AKAP13: variants seen among roughly 807,000 people sequenced by gnomAD.
AKAP13 encodes the protein A-kinase anchoring protein 13.
A neutral mutation model predicts 264.5 loss-of-function variants in AKAP13; 80 were observed. The observed-to-expected ratio is 0.30, with a 90% CI of 0.25 to 0.36. The LOEUF (loss-of-function observed/expected upper bound fraction) is 0.36. Among genes scored for constraint, AKAP13 ranks in the 10% least tolerant of loss-of-function variants. The pLI, the probability that AKAP13 is intolerant of heterozygous loss-of-function variation, is 1.00. For missense variants in AKAP13, 3,712 were observed against 3,435.2 expected, an observed-to-expected ratio of 1.08 and a Z score of -2.01; for synonymous variants, 1,380 against 1,250.2, an observed-to-expected ratio of 1.10 and a Z score of -2.19.
chr15:85,667,919 A>G (rs1002668790), intron 13 of AKAP13, among the ~76,000 whole-genome samples: 1 of 152,188 alleles, frequency 6.6e-6, no homozygotes, highest in African/African-American at 2.4e-5. Context: ...GTGTTTCTAA[A>G]ATGGACTGTC....
chr15:85,617,388 C>T (rs1177379728), intron 8 of AKAP13, among the ~76,000 whole-genome samples: 1 of 152,198 alleles, frequency 6.6e-6, no homozygotes, highest in African/African-American at 2.4e-5. Context: ...GGACTACAGG[C>T]ATGTGCCAAC....
intron 1 of AKAP13, among the ~76,000 whole-genome samples, chr15:85,385,130 A>G (rs1473208272): frequency 1.3e-5 from 2 of 152,218 alleles, no homozygotes; most frequent in Admixed American, 1.3e-4. Flanking sequence ...GTGATCTGCA[A>G]AGCAGAAAAT....
In AKAP13 at chr15:85,496,329, AC is replaced by A. The variant is rs531266222; in HGVS notation, c.33+10577del. Among the ~76,000 whole-genome samples the A allele has an allele frequency of 4.6e-3, 699 of 152,240 alleles. 5 individuals carry two copies. Among genetic ancestry groups the A allele is most frequent in the Admixed American group, 0.013 (199 of 15,282 alleles). ...TTGGGTTCCTGTTTACTCCAGACTT[AC>A]ATTTTCAGCCTCCGTGAAGACTTGG... On this transcript the variant is annotated intron_variant, in intron 2 of 36. Coordinates refer to ENST00000394518, the MANE Select transcript of AKAP13 (RefSeq NM_007200.5).
intron 5 of AKAP13, among the ~76,000 whole-genome samples, chr15:85,558,420 A>G (rs1156331577): frequency 6.6e-6 from 1 of 152,264 alleles, no homozygotes; most frequent in Non-Finnish European, 1.5e-5. Flanking sequence ...ACGCAAGGTC[A>G]TTAGAAGCTT....
At chr15:85,383,614 G>A (rs1236955577) in intron 1 of AKAP13, among the ~76,000 whole-genome samples, 1 of 152,190 alleles carries the variant, frequency 6.6e-6, no homozygotes, top group African/African-American at 2.4e-5. Flanking sequence ...CTTCAAAGGT[G>A]CCAGATGAAC....
chr15:85,558,314 C>G (rs2078225579), intron 5 of AKAP13, among the ~76,000 whole-genome samples: 1 of 152,090 alleles, frequency 6.6e-6, no homozygotes, highest in Admixed American at 6.6e-5. Context: ...TTATGAGGAC[C>G]TATTTTATTA....
At chr15:85,455,511 A>C (rs2074251870) in intron 1 of AKAP13, among the ~76,000 whole-genome samples, 1 of 152,134 alleles carries the variant, frequency 6.6e-6, no homozygotes, top group South Asian at 2.1e-4. Flanking sequence ...TTATACTTAT[A>C]GCCACCATGA....
In AKAP13 at chr15:85,521,564, C is replaced by T. The variant is rs758239322; in HGVS notation, c.170C>T (p.Thr57Ile). Residue 57 changes from threonine to isoleucine, a missense_variant, in exon 3 of 37, where the codon ACC (threonine) becomes ATC (isoleucine). Transcript: ENST00000394518. ...TRKVSSDTLETIAPGHDCCET... is the reference protein window; with the variant it reads ...TRKVSSDTLEIIAPGHDCCET... Reference sequence around the variant, plus strand: ...AAGGTCAGTTCTGATACATTGGAGACCATTGCTCCTGGTAAGTATTTGAAT... The same window carrying T: ...AAGGTCAGTTCTGATACATTGGAGATCATTGCTCCTGGTAAGTATTTGAAT... The T allele has an allele frequency of 1.2e-6, 2 of 1,613,908 alleles. No homozygotes were observed. The highest frequency in any genetic ancestry group is 3.3e-5 in the Admixed American group (2 of 60,002).
chr15:85,448,206 T>G (rs2073964552), intron 1 of AKAP13, among the ~76,000 whole-genome samples: 1 of 152,232 alleles, frequency 6.6e-6, no homozygotes, highest in South Asian at 2.1e-4. Flanking sequence ...ATTTGCTCAC[T>G]TTTTAATAGG....
chr15:85,498,224 A>ATATATATATATATATC (rs918992626), intron 2 of AKAP13, among the ~76,000 whole-genome samples: 1 of 118,888 alleles, frequency 8.4e-6, no homozygotes, highest in East Asian at 2.4e-4. Context: ...ATATATATAT[A>ATATATATATATATATC]TATCACATTG....
Position 85,735,027 on chromosome 15 carries a change from G to A in AKAP13, c.7318G>A (p.Gly2440Arg), listed in dbSNP as rs748601640. The part of the protein sequence containing the change: ...ILQGLVSGNL[G>R]GTLGPTVSSP... ...TCAGGGTTTGGTGAGTGGAAATCTGGGAGGCACACTTGGGCCGACTGTCAG... is the reference window on the plus strand; with the variant it reads ...TCAGGGTTTGGTGAGTGGAAATCTGAGAGGCACACTTGGGCCGACTGTCAG... The change falls in exon 31 of 37, where the codon GGA becomes AGA. Residue 2440 changes from glycine (G) to arginine (R), a missense_variant. Gly to Arg is a moderately radical substitution (Grantham distance 125, BLOSUM62 -2). Coordinates refer to ENST00000394518, the MANE Select transcript of AKAP13 (RefSeq NM_007200.5). 5.6e-6 allele frequency: 9 copies of A among 1,614,048 alleles called. No homozygotes were observed. In the South Asian group the frequency reaches 9.9e-5, roughly 18 times the overall value.
In AKAP13 at chr15:85,645,798, G is replaced by A. The variant is rs1180638091; in HGVS notation, c.4238-20G>A. The A allele has an allele frequency of 6.8e-7, 1 of 1,472,344 alleles. No homozygotes were observed. Among genetic ancestry groups the A allele is most frequent in the Non-Finnish European group, 9.2e-7 (1 of 1,087,342 alleles). The allele number at this position is 1,472,344 out of a possible 1,614,324, so 91.2% of individuals were successfully genotyped here. The stretch of plus-strand genomic sequence containing the variant: ...TTGTTTTTTTTTTTTCAATATTGGT[G>A]AATAAATTCTCTTTTTCAGAATGTG... On this transcript the variant is annotated intron_variant, in intron 9 of 36. Transcript: ENST00000394518.
Position 85,645,141 on chromosome 15 carries a change from A to G in AKAP13, c.4238-677A>G, listed in dbSNP as rs575446748. Among the ~76,000 whole-genome samples, 6 of 152,318 alleles carry G rather than the reference A, an allele frequency of 3.9e-5. No individual in the cohort carries two copies. The Middle Eastern group carries it at 0.01, about 259-fold the overall frequency. Reference sequence around the variant, plus strand: ...TCTCAAAATAAACAACACAAAACAGAAAAGCAAAGTTAATAAGAGAGAATA... The same window carrying G: ...TCTCAAAATAAACAACACAAAACAGGAAAGCAAAGTTAATAAGAGAGAATA... On this transcript the variant is annotated intron_variant, in intron 9 of 36. Coordinates refer to ENST00000394518, the MANE Select transcript of AKAP13 (RefSeq NM_007200.5).
chr15:85,674,254 T>C (rs1296197788), intron 14 of AKAP13, among the ~76,000 whole-genome samples: 3 of 152,188 alleles, frequency 2.0e-5, no homozygotes, highest in African/African-American at 7.2e-5. Context: ...TCTGAAACGT[T>C]CGAGCACCAA....
intron 1 of AKAP13, among the ~76,000 whole-genome samples, chr15:85,437,302 A>G (rs936710327): frequency 6.6e-6 from 1 of 151,958 alleles, no homozygotes; most frequent in African/African-American, 2.4e-5. Context: ...GACCAATAAC[A>G]GGAGCTGAAA....
chr15:85,577,706 A>G (rs1238148006), intron 6 of AKAP13: 1 of 705,614 alleles, frequency 1.4e-6, no homozygotes, highest in Non-Finnish European at 1.7e-6. Flanking sequence ...CTCTGACAGT[A>G]TATAGGTATA....
chr15:85,553,313 C>G (rs1196952209), intron 5 of AKAP13, among the ~76,000 whole-genome samples: 2 of 152,110 alleles, frequency 1.3e-5, no homozygotes, highest in African/African-American at 2.4e-5. Flanking sequence ...GTCTTGAACT[C>G]CTGACCTCAG....
intron 35 of AKAP13, among the ~76,000 whole-genome samples, chr15:85,741,958 T>G (rs1226039590): frequency 6.6e-6 from 1 of 152,004 alleles, no homozygotes; most frequent in Non-Finnish European, 1.5e-5. Flanking sequence ...GGCATGAGAA[T>G]CGCTTGAACC....
intron 1 of AKAP13, among the ~76,000 whole-genome samples, chr15:85,485,492 T>C (rs2075509026): frequency 6.6e-6 from 1 of 152,222 alleles, no homozygotes; most frequent in Admixed American, 6.5e-5. Context: ...AATCGGAAGA[T>C]CTTTCTTCCC....
Sources: gnomAD v4.1 joint callset for allele counts (sites outside exome capture counted in the v4.1 genomes callset) on GRCh38, gnomAD v4.1.1 for gene constraint, MANE v1.5 for transcripts, NCBI Gene and HGNC (gene_info 2026-07-23, HGNC 2026-07-21) for gene names.